Variants in BCL2L13 observed in about 807,000 individuals in gnomAD.
BCL2L13 encodes bcl-2-like protein 13.
BCL2L13 carries 13 observed loss-of-function variants against 25.8 expected under a neutral mutation model. The ratio of observed to expected loss-of-function variants is 0.50; its 90% CI spans 0.33 to 0.80. BCL2L13 has a LOEUF of 0.80. Ranked by LOEUF, BCL2L13 falls within the 30% of genes least tolerant of loss-of-function variation. The pLI is 0.02. For missense variants in BCL2L13, 504 were observed against 574.9 expected (o/e 0.88, Z 1.26); for synonymous variants, 244 against 230.3 (o/e 1.06, Z -0.54).
In BCL2L13 at chr22:17,675,346, C is replaced by T. The variant is rs116327757; in HGVS notation, c.122-7868C>T. ...TGGGCAAATCATGAGGTCTACAATTCAAACCTTGTAGAAAAATGGATCCAA... is the reference window on the plus strand; with the variant it reads ...TGGGCAAATCATGAGGTCTACAATTTAAACCTTGTAGAAAAATGGATCCAA... On this transcript the variant is annotated intron_variant, in intron 2 of 6. Coordinates refer to ENST00000317582, the MANE Select transcript of BCL2L13 (RefSeq NM_015367.4). Among the ~76,000 whole-genome samples, 875 of 152,222 alleles carry T rather than the reference C, an allele frequency of 5.7e-3. 8 individuals are homozygous for T. The highest frequency in any genetic ancestry group is 0.02 in the African/African-American group (840 of 41,536).
intron 2 of BCL2L13, among the ~76,000 whole-genome samples, chr22:17,665,676 T>C (rs537898636): frequency 6.6e-6 from 1 of 152,328 alleles, no homozygotes; most frequent in East Asian, 1.9e-4. Context: ...ATCTATGTTA[T>C]AGCATAAATA....
chr22:17,649,424 A>G (rs1475593833), intron 1 of BCL2L13, among the ~76,000 whole-genome samples: 3 of 151,800 alleles, frequency 2.0e-5, no homozygotes, highest in Non-Finnish European at 4.4e-5. Flanking sequence ...CATTTATTCA[A>G]AATGTAAATA....
intron 2 of BCL2L13, among the ~76,000 whole-genome samples, chr22:17,675,257 G>A (rs1484769195): frequency 6.6e-6 from 1 of 152,144 alleles, no homozygotes; most frequent in South Asian, 2.1e-4. Context: ...AGTAGAAAAT[G>A]TTGTCAATAT....
intron 2 of BCL2L13, among the ~76,000 whole-genome samples, chr22:17,657,159 A>G (rs2058901441): frequency 6.6e-6 from 1 of 152,132 alleles, no homozygotes; most frequent in African/African-American, 2.4e-5. Flanking sequence ...GGTGTTTCAA[A>G]CTTAAACACA....
At chr22:17,637,144 C>T (rs564118610), upstream of BCL2L13, among the ~76,000 whole-genome samples, 9 of 152,052 alleles carry the variant, frequency 5.9e-5, no homozygotes, top group Admixed American at 1.3e-4. Flanking sequence ...CGGTGGCTCA[C>T]GTCTGTAATC....
At chr22:17,651,000 T>TG (rs2146467799) in intron 1 of BCL2L13, among the ~76,000 whole-genome samples, 1 of 147,964 alleles carries the variant, frequency 6.8e-6, no homozygotes, top group East Asian at 2.0e-4. Context: ...CCTTTTTTTT[T>TG]TTTTTTTTTT....
intron 2 of BCL2L13, among the ~76,000 whole-genome samples, chr22:17,663,312 C>G (rs1044097795): frequency 6.6e-6 from 1 of 152,056 alleles, no homozygotes; most frequent in African/African-American, 2.4e-5. Context: ...CAGATGGTGT[C>G]CTAAGAAAGC....
intron 2 of BCL2L13, among the ~76,000 whole-genome samples, chr22:17,660,625 A>G (rs995837630): frequency 1.4e-5 from 2 of 145,578 alleles, no homozygotes; most frequent in Non-Finnish European, 3.1e-5. Flanking sequence ...AGGATTTGCC[A>G]CATTGGCCAG....
At chr22:17,722,601 A>G (rs943050574) in intron 6 of BCL2L13, among the ~76,000 whole-genome samples, 2 of 152,118 alleles carry the variant, frequency 1.3e-5, no homozygotes, top group East Asian at 1.9e-4. Context: ...TGCCTTTGTA[A>G]TGGGTTGAGT....
Position 17,630,411 on chromosome 22 carries a change from C to T in BCL2L13, c.-650+1406C>T, listed in dbSNP as rs571412360. On this transcript the variant is annotated intron_variant, in intron 1 of 6. Coordinates refer to the BCL2L13 transcript ENST00000399782. The stretch of plus-strand genomic sequence containing the variant: ...TCTCCTCCCTCAGCCTCCCAAGCAG[C>T]TGGGATTACAGGTGCCTGCCACCAT... Among the ~76,000 whole-genome samples, 19 of 151,468 alleles carry T rather than the reference C, an allele frequency of 1.3e-4. No homozygotes were observed. The East Asian group carries it at 3.3e-3, about 27-fold the overall frequency.
intron 3 of BCL2L13, among the ~76,000 whole-genome samples, chr22:17,687,733 G>A (rs1176551335): frequency 6.6e-6 from 1 of 151,844 alleles, no homozygotes; most frequent in Non-Finnish European, 1.5e-5. Flanking sequence ...TAGCCAGGAT[G>A]GTCTCGATCT....
At chr22:17,639,162 G>A (rs2058176528) in intron 1 of BCL2L13, among the ~76,000 whole-genome samples, 1 of 152,204 alleles carries the variant, frequency 6.6e-6, no homozygotes, top group Non-Finnish European at 1.5e-5. Context: ...CTCGGCCCTG[G>A]CTCCACGCCG....
chr22:17,635,302 C>T (rs527995839), upstream of BCL2L13, among the ~76,000 whole-genome samples: 4 of 152,146 alleles, frequency 2.6e-5, no homozygotes, highest in South Asian at 6.2e-4. Flanking sequence ...CTTTGGGAGA[C>T]TCAGGCGGGC....
At chr22:17,713,141 G>A (rs1162652333) in intron 6 of BCL2L13, among the ~76,000 whole-genome samples, 1 of 152,076 alleles carries the variant, frequency 6.6e-6, no homozygotes, top group Non-Finnish European at 1.5e-5. Flanking sequence ...GTGCTTCTAG[G>A]TAGCAAAGTT....
rs557903851 is a variant in BCL2L13 at position 17,687,920 on chromosome 22, C to T, written c.230-1066C>T. 1.7e-4 allele frequency among the ~76,000 whole-genome samples: 25 copies of T among 150,014 alleles called. No homozygotes were observed. In the East Asian group the frequency reaches 4.6e-3, roughly 28 times the overall value. On this transcript the variant is annotated intron_variant, in intron 3 of 6. Coordinates refer to ENST00000317582, the MANE Select transcript of BCL2L13 (RefSeq NM_015367.4). Reference sequence around the variant, plus strand: ...GCAACCTCTATCTCCCAGGTTCAAGCGATTCTCCTGCCTCAGGCTCCTGAG... The same window carrying T: ...GCAACCTCTATCTCCCAGGTTCAAGTGATTCTCCTGCCTCAGGCTCCTGAG...
At chr22:17,679,408 T>C (rs999653856) in intron 2 of BCL2L13, among the ~76,000 whole-genome samples, 2 of 151,796 alleles carry the variant, frequency 1.3e-5, no homozygotes, top group Admixed American at 1.3e-4. Context: ...TAGCTGTGAT[T>C]ACAGGCGCCT....
chr22:17,683,680 T>C (rs1319544398), intron 3 of BCL2L13, among the ~76,000 whole-genome samples: 2 of 152,118 alleles, frequency 1.3e-5, no homozygotes, highest in Non-Finnish European at 2.9e-5. Context: ...TACGCTTTTA[T>C]TTTTGCATAC....
At chr22:17,684,721 A>T in intron 3 of BCL2L13, 1 of 358,048 alleles carries the variant, frequency 2.8e-6, no homozygotes, top group Middle Eastern at 9.9e-4. Flanking sequence ...GTGCCACCAA[A>T]CCTGGCTAAT....
intron 6 of BCL2L13, among the ~76,000 whole-genome samples, chr22:17,719,971 A>G (rs577928680): frequency 6.6e-6 from 1 of 152,288 alleles, no homozygotes; most frequent in African/African-American, 2.4e-5. Flanking sequence ...AGAATAGGCA[A>G]TCCGTAGAGA....
Sources: allele counts gnomAD v4.1 joint callset (sites outside exome capture counted in the v4.1 genomes callset), GRCh38; gene constraint gnomAD v4.1.1; transcripts MANE v1.5; gene names NCBI Gene and HGNC (gene_info 2026-07-23, HGNC 2026-07-21).